Variants in AP4E1 observed in about 807,000 individuals in gnomAD.
AP4E1 encodes AP-4 complex subunit epsilon-1.
In AP4E1, 56 loss-of-function variants were observed where a neutral mutation model predicts 128.2. The observed-to-expected ratio is 0.44, with a 90% confidence interval of 0.35 to 0.55. The LOEUF (loss-of-function observed/expected upper bound fraction) is 0.55. Among genes scored for constraint, AP4E1 ranks in the 20% least tolerant of loss-of-function variants. AP4E1 has a pLI of 0.00. For synonymous variants in AP4E1, 484 were observed against 473.1 expected, an observed-to-expected ratio of 1.02 and a Z score of -0.30; for missense variants, 1,324 against 1,307.7, an observed-to-expected ratio of 1.01 and a Z score of -0.19.
intron 3 of AP4E1, among the ~76,000 whole-genome samples, chr15:50,923,150 A>G (rs940688924): frequency 2.6e-5 from 4 of 152,214 alleles, no homozygotes; most frequent in African/African-American, 9.7e-5. Flanking sequence ...AGTAATGCTT[A>G]TAAAGTACTT....
chr15:50,961,008 C>T (rs940522342), intron 14 of AP4E1, among the ~76,000 whole-genome samples: 3 of 151,834 alleles, frequency 2.0e-5, no homozygotes, highest in Admixed American at 1.3e-4. Context: ...TGTACACTAA[C>T]AAACTGGAAA....
chr15:50,959,254 G>T (rs1239252112), intron 14 of AP4E1, among the ~76,000 whole-genome samples: 1 of 150,688 alleles, frequency 6.6e-6, no homozygotes, highest in African/African-American at 2.4e-5. Flanking sequence ...CTTCACCAAA[G>T]CACATTATAG....
At chr15:50,988,018 C>T (rs1239605858) in intron 16 of AP4E1, among the ~76,000 whole-genome samples, 2 of 152,050 alleles carry the variant, frequency 1.3e-5, no homozygotes, top group Admixed American at 6.6e-5. Context: ...TGATGTTTAA[C>T]ATATCATTCT....
At chr15:50,911,958 T>C (rs756539292) in intron 1 of AP4E1, 120 bp from the exon 2 acceptor site, 9 of 866,628 alleles carry the variant, frequency 1.0e-5, no homozygotes, top group Non-Finnish European at 1.7e-5. Context: ...GTAACTCTCC[T>C]TTAAAATAAT....
chr15:50,919,875 G>A (rs1037553111), intron 3 of AP4E1, among the ~76,000 whole-genome samples: 2 of 151,786 alleles, frequency 1.3e-5, no homozygotes, highest in Non-Finnish European at 2.9e-5. Context: ...TCAGGAGTTC[G>A]AGACCAGCCT....
At chr15:50,991,247 A>C (rs1181724093) in intron 16 of AP4E1, among the ~76,000 whole-genome samples, 1 of 152,230 alleles carries the variant, frequency 6.6e-6, no homozygotes, top group Non-Finnish European at 1.5e-5. Context: ...CGGATGGAGC[A>C]GCCCATTGTC....
chr15:50,932,266 A>C (rs537968766), intron 7 of AP4E1, among the ~76,000 whole-genome samples: 2 of 152,162 alleles, frequency 1.3e-5, no homozygotes, highest in Non-Finnish European at 2.9e-5. Context: ...GGCGTGAGCC[A>C]CCGCCCCGGC....
Position 50,958,619 on chromosome 15 carries a change from C to T in AP4E1, c.1676C>T (p.Thr559Ile). The T allele has an allele frequency of 6.2e-7, 1 of 1,614,120 alleles. No individual in the cohort carries two copies. Among genetic ancestry groups the T allele is most frequent in the South Asian group, 1.1e-5 (1 of 91,082 alleles). ...AAAGCCTGGTTAATTGCTGCTGTGA[C>T]CAAATTGACATCTCAGGCGCACTCT... ...ETKAWLIAAV[T>I]KLTSQAHSSN... The change falls in exon 14 of 21, where the codon ACC becomes ATC. Residue 559 changes from threonine (T) to isoleucine (I), a missense_variant. Physicochemically the swap from Thr to Ile is moderately conservative, Grantham distance 89. Transcript: ENST00000261842.
intron 16 of AP4E1, among the ~76,000 whole-genome samples, chr15:50,985,575 C>G (rs2064709533): frequency 6.6e-6 from 1 of 152,148 alleles, no homozygotes; most frequent in South Asian, 2.1e-4. Context: ...GGAATCCTTT[C>G]CCCATTTCTT....
intron 3 of AP4E1, among the ~76,000 whole-genome samples, chr15:50,919,089 G>T (rs2063662875): frequency 6.6e-6 from 1 of 151,734 alleles, no homozygotes; most frequent in Non-Finnish European, 1.5e-5. Context: ...AATTAGCCAG[G>T]CATGGTGGTG....
At chr15:50,969,820 A>G (rs1010603571) in intron 15 of AP4E1, among the ~76,000 whole-genome samples, 23 of 151,792 alleles carry the variant, frequency 1.5e-4, no homozygotes, top group Admixed American at 7.9e-4. Flanking sequence ...CACCACGCCC[A>G]GCTAATTTTT....
intron 15 of AP4E1, among the ~76,000 whole-genome samples, chr15:50,970,730 C>G (rs971134671): frequency 8.5e-5 from 13 of 152,112 alleles, no homozygotes; most frequent in African/African-American, 2.4e-4. Flanking sequence ...TCCAACCCCC[C>G]ACTTTCAGTC....
intron 5 of AP4E1, among the ~76,000 whole-genome samples, chr15:50,928,386 C>G (rs2063792741): frequency 6.6e-6 from 1 of 152,090 alleles, no homozygotes; most frequent in South Asian, 2.1e-4. Flanking sequence ...CTCCCAGGTT[C>G]AAGCGATTCT....
rs574754987 is a variant in AP4E1, at chr15:50,926,273, ATT to A, written c.542+1055_542+1056del. Among the ~76,000 whole-genome samples, 579 of 151,918 alleles carry A rather than the reference ATT, an allele frequency of 3.8e-3. 6 individuals carry two copies. The highest frequency in any genetic ancestry group is 0.014 in the African/African-American group (562 of 41,450). ...TGCCTCAGCCTCCTGAGTAGCTGGA[ATT>A]ACAGGAACACGCCACCATGCCCAGC... On this transcript the variant is annotated intron_variant, in intron 5 of 20. Transcript: ENST00000261842.
rs2064833441 is a variant in AP4E1 at position 50,993,687 on chromosome 15, CT to C, written c.2346+63del. 6.2e-6 allele frequency: 10 copies of C among 1,603,892 alleles called. No homozygotes were observed. In the South Asian group the frequency reaches 1.1e-4, roughly 18 times the overall value. ...CATCTGTCTGTACAAAAAAAACTGG[CT>C]CTATAAAAGCTCCTGGCTGTCGTCT... is the stretch of plus-strand genomic sequence containing the variant. On this transcript the variant is annotated intron_variant, in intron 17 of 20. Coordinates refer to ENST00000261842, the MANE Select transcript of AP4E1 (RefSeq NM_007347.5).
rs775201013 is a variant in AP4E1, at chr15:50,997,427, T to C, written c.2448T>C (p.Ser816=). The C allele has an allele frequency of 6.2e-7, 1 of 1,613,600 alleles. No homozygotes were observed. The highest frequency in any genetic ancestry group is 8.5e-7 in the Non-Finnish European group (1 of 1,179,766). The change falls in exon 18 of 21, where the codon TCT becomes TCC. Residue 816 remains serine, a synonymous_variant. Coordinates refer to ENST00000261842, the MANE Select transcript of AP4E1 (RefSeq NM_007347.5). ...ETTSTHNMTC[S]SFSSLSNVAY... Reference sequence around the variant, plus strand: ...CCAGTACTCATAATATGACCTGTTCTTCCTTTAGTTCTTTGTCAAATGTGG... The same window carrying C: ...CCAGTACTCATAATATGACCTGTTCCTCCTTTAGTTCTTTGTCAAATGTGG...
At chr15:50,991,293 C>A (rs2064804209) in intron 16 of AP4E1, among the ~76,000 whole-genome samples, 1 of 152,098 alleles carries the variant, frequency 6.6e-6, no homozygotes, top group Non-Finnish European at 1.5e-5. Context: ...TGTTAAACTA[C>A]TATTTAAATC....
chr15:51,001,216 T>A (rs1380823151), intron 20 of AP4E1, 33 bp downstream of exon 20: 1 of 1,585,738 alleles, frequency 6.3e-7, no homozygotes, highest in South Asian at 1.1e-5. Flanking sequence ...TATTCTGTGT[T>A]TATAGGAGCT....
At chr15:50,995,069 A>G (rs1266372521) in intron 17 of AP4E1, among the ~76,000 whole-genome samples, 1 of 152,172 alleles carries the variant, frequency 6.6e-6, no homozygotes, top group Non-Finnish European at 1.5e-5. Flanking sequence ...AACAGTTAAC[A>G]ATGACATAAA....
Sources: allele counts gnomAD v4.1 joint callset (sites outside exome capture counted in the v4.1 genomes callset), GRCh38; gene constraint gnomAD v4.1.1; transcripts MANE v1.5; gene names NCBI Gene and HGNC (gene_info 2026-07-23, HGNC 2026-07-21).